Variants in GDPD5 observed in about 807,000 individuals in gnomAD.
GDPD5 encodes glycerophosphodiester phosphodiesterase 2.
In GDPD5, 48 loss-of-function variants were observed where a neutral mutation model predicts 75.1. The observed-to-expected ratio is 0.64, with a 90% CI of 0.51 to 0.81. GDPD5 has a LOEUF of 0.81. Ranked by LOEUF, GDPD5 falls within the 40% of genes least tolerant of loss-of-function variation. The pLI, the probability that GDPD5 is intolerant of heterozygous loss-of-function variation, is 0.00. For synonymous variants in GDPD5, 336 were observed against 339.0 expected (o/e 0.99, Z 0.10); for missense variants, 706 against 822.6 (o/e 0.86, Z 1.73).
intron 12 of GDPD5, among the ~76,000 whole-genome samples, chr11:75,442,078 G>A (rs752792098): frequency 3.7e-4 from 57 of 152,234 alleles, no homozygotes; most frequent in African/African-American, 1.3e-3. Flanking sequence ...CTAGTGTGCC[G>A]TCCTAAACTG....
intron 1 of GDPD5, among the ~76,000 whole-genome samples, chr11:75,491,066 GC>G (rs1950099008): frequency 6.6e-6 from 1 of 152,170 alleles, no homozygotes; most frequent in Non-Finnish European, 1.5e-5. Flanking sequence ...TGGGACCTGA[GC>G]CTCCTGGTGC....
Position 75,441,228 on chromosome 11 carries a change from C to A in GDPD5, c.1408G>T (p.Val470Phe), listed in dbSNP as rs1297055303. The A allele has an allele frequency of 1.9e-6, 3 of 1,613,774 alleles. No individual in the cohort carries two copies. In the Admixed American group the frequency reaches 5.0e-5, roughly 27 times the overall value. The change falls in exon 14 of 17, where the codon GTC becomes TTC. Residue 470 changes from valine (V) to phenylalanine (F), a missense_variant. Coordinates refer to ENST00000336898, the MANE Select transcript of GDPD5 (RefSeq NM_030792.8). ...WLFSLLWCAG[V>F]PSVTSDNSHA... ...GAGTTGTCAGAGGTGACGGATGGGA[C>A]CCCCGCACACCACAGCAGGGAGAAG...
chr11:75,444,093 C>T (rs1262195413), intron 10 of GDPD5, among the ~76,000 whole-genome samples: 1 of 152,248 alleles, frequency 6.6e-6, no homozygotes, highest in African/African-American at 2.4e-5. Flanking sequence ...TATTTTAAAA[C>T]GTAACTGGAG....
intron 1 of GDPD5, among the ~76,000 whole-genome samples, chr11:75,523,916 CA>C (rs1372998112): frequency 1.3e-5 from 2 of 152,202 alleles, no homozygotes; most frequent in Non-Finnish European, 1.5e-5. Flanking sequence ...CCCTTGACTC[CA>C]GGGAGTTGGG....
Position 75,437,033 on chromosome 11 carries a change from G to A in GDPD5, c.1572C>T (p.Gly524=), listed in dbSNP as rs1480438659. ...TCTGCTCAGGGTTGTAGCTCCGTAT[G>A]CCACCCAGGCGCCACCTGCAGAGAT... ...IFVLQKWRLG[G]IRSYNPEQIM... Residue 524 remains glycine (G), a synonymous_variant, in exon 16 of 17, where the codon GGC becomes GGT. Coordinates refer to ENST00000336898, the MANE Select transcript of GDPD5 (RefSeq NM_030792.8). 6.2e-7 allele frequency: 1 copy of A among 1,613,154 alleles called. No homozygotes were observed.
At chr11:75,496,330 T>C (rs1950207782) in intron 1 of GDPD5, among the ~76,000 whole-genome samples, 1 of 152,254 alleles carries the variant, frequency 6.6e-6, no homozygotes, top group African/African-American at 2.4e-5. Flanking sequence ...CTTCCTGGCA[T>C]GTTTCACAAA....
At chr11:75,448,665 A>G in intron 9 of GDPD5, 1 of 1,091,850 alleles carries the variant, frequency 9.2e-7, no homozygotes. Flanking sequence ...GGCAGACCCC[A>G]GGCCCCACAC....
intron 3 of GDPD5, among the ~76,000 whole-genome samples, chr11:75,469,475 G>A (rs1291127196): frequency 1.3e-5 from 2 of 152,168 alleles, no homozygotes; most frequent in Non-Finnish European, 2.9e-5. Flanking sequence ...TCACAACCAG[G>A]TCTGTGTACC....
chr11:75,473,982 C>T (rs1317522235), intron 3 of GDPD5, among the ~76,000 whole-genome samples: 1 of 152,166 alleles, frequency 6.6e-6, no homozygotes. Context: ...GTCTGATATA[C>T]TTATGACCCC....
chr11:75,486,417 C>T (rs1592126926), intron 2 of GDPD5, among the ~76,000 whole-genome samples: 1 of 152,288 alleles, frequency 6.6e-6, no homozygotes, highest in South Asian at 2.1e-4. Flanking sequence ...GGGCCTCCAC[C>T]ATCTTTGATA....
chr11:75,451,535 C>G (rs1949153195), intron 6 of GDPD5: 1 of 152,248 alleles, frequency 6.6e-6, no homozygotes, highest in Admixed American at 6.5e-5. Context: ...ACAGACAGCA[C>G]GCTGGTGTCA....
At chr11:75,441,077 C>A in intron 14 of GDPD5, 86 bp downstream of exon 14, 1 of 1,387,508 alleles carries the variant, frequency 7.2e-7, no homozygotes, top group Non-Finnish European at 1.0e-6. Context: ...AGGGACAGCT[C>A]CAAGCACAGA....
intron 3 of GDPD5, among the ~76,000 whole-genome samples, chr11:75,473,926 C>G (rs2135352012): frequency 6.6e-6 from 1 of 152,302 alleles, no homozygotes; most frequent in Non-Finnish European, 1.5e-5. Flanking sequence ...CTTGTCTGTT[C>G]CCCCACAAGC....
At position 75,435,230 on chromosome 11, in the gene GDPD5, G is replaced by C. The variant is rs1010557446; in HGVS notation, c.*277C>G. 14 of 359,500 alleles carry C rather than the reference G, an allele frequency of 3.9e-5. No individual in the cohort carries two copies. Among genetic ancestry groups the C allele is most frequent in the Admixed American group, 1.2e-4 (3 of 24,284 alleles). The allele number at this position is 359,500 out of a possible 1,614,324, so 22.3% of individuals were successfully genotyped here. On this transcript the variant is annotated 3_prime_UTR_variant, in exon 17 of 17. Transcript: ENST00000336898. ...AGCTTCCAGGTCGGGATACAGGAGA[G>C]GGCCTCAGAAGAGGGGGACCAAGCC...
intron 9 of GDPD5, chr11:75,448,735 C>T (rs1949051324): frequency 8.3e-7 from 1 of 1,210,810 alleles, no homozygotes; most frequent in South Asian, 2.5e-5. Context: ...GGCCTAAAAC[C>T]CTCCTGCATC....
chr11:75,458,255 T>C (rs1365660246), intron 4 of GDPD5, among the ~76,000 whole-genome samples: 1 of 152,222 alleles, frequency 6.6e-6, no homozygotes, highest in East Asian at 1.9e-4. Flanking sequence ...TAAGATGCCA[T>C]CGATTGTCAC....
Position 75,477,801 on chromosome 11 carries a change from G to C in GDPD5, c.-60-6C>G. ...ATGGAGGCCCCCAGCTTGTCCTGCA[G>C]GAGGAAGCACAGGGCAGTGAGGCAG... On this transcript the variant is annotated splice_polypyrimidine_tract_variant and splice_region_variant and intron_variant, in intron 2 of 16. Coordinates refer to ENST00000336898, the MANE Select transcript of GDPD5 (RefSeq NM_030792.8). 8.6e-7 allele frequency: 1 copy of C among 1,159,708 alleles called. No individual in the cohort carries two copies. The allele number at this position is 1,159,708 out of a possible 1,614,324, so 71.8% of individuals were successfully genotyped here.
chr11:75,504,855 C>T (rs1396479678), intron 1 of GDPD5, among the ~76,000 whole-genome samples: 1 of 152,158 alleles, frequency 6.6e-6, no homozygotes, highest in Non-Finnish European at 1.5e-5. Context: ...CGGCCAGGCA[C>T]AGTGGCTCAC....
intron 3 of GDPD5, among the ~76,000 whole-genome samples, chr11:75,475,264 G>A (rs1949753956): frequency 6.6e-6 from 1 of 152,206 alleles, no homozygotes; most frequent in African/African-American, 2.4e-5. Flanking sequence ...GCTTCTCTGA[G>A]TTGGGAGATA....
Sources: allele counts gnomAD v4.1 joint callset (sites outside exome capture counted in the v4.1 genomes callset), GRCh38; gene constraint gnomAD v4.1.1; transcripts MANE v1.5; gene names NCBI Gene and HGNC (gene_info 2026-07-23, HGNC 2026-07-21).